Variants in NECTIN1 observed in about 807,000 individuals in gnomAD.
The protein encoded by NECTIN1 is nectin-1.
In NECTIN1, 23 loss-of-function variants were observed where a neutral mutation model predicts 48.0. That is an observed-to-expected ratio of 0.48 (90% CI 0.34 to 0.68). The LOEUF (loss-of-function observed/expected upper bound fraction) is 0.68. NECTIN1 is among the 30% of genes least tolerant of loss of function. The pLI is 0.01. For missense variants in NECTIN1, 591 were observed against 709.9 expected, an observed-to-expected ratio of 0.83 and a Z score of 1.90; for synonymous variants, 270 against 288.9, an observed-to-expected ratio of 0.93 and a Z score of 0.66.
At chr11:119,687,784 G>T (rs1034930356) in intron 1 of NECTIN1, among the ~76,000 whole-genome samples, 7 of 152,222 alleles carry the variant, frequency 4.6e-5, no homozygotes, top group Admixed American at 2.0e-4. Context: ...TGGAAGCAGA[G>T]GGTTCTCGAT....
At chr11:119,716,370 G>A (rs1017058562) in intron 1 of NECTIN1, among the ~76,000 whole-genome samples, 1 of 152,044 alleles carries the variant, frequency 6.6e-6, no homozygotes, top group Non-Finnish European at 1.5e-5. Flanking sequence ...ACAGTCCAGC[G>A]GTGCGAAGGC....
chr11:119,691,031 C>T (rs1850449344), intron 1 of NECTIN1, among the ~76,000 whole-genome samples: 1 of 11,750 alleles, frequency 8.5e-5, no homozygotes, highest in Non-Finnish European at 1.5e-4. Flanking sequence ...CTCATCCACC[C>T]TTTCTCAGGA....
chr11:119,674,522 G>T, intron 5 of NECTIN1: 2 of 1,613,716 alleles, frequency 1.2e-6, no homozygotes, highest in Non-Finnish European at 1.7e-6. Flanking sequence ...GGTGGGGGGG[G>T]CCCTGTCCAG....
intron 1 of NECTIN1, among the ~76,000 whole-genome samples, chr11:119,695,407 C>A (rs1348135716): frequency 6.6e-6 from 1 of 151,346 alleles, no homozygotes; most frequent in Non-Finnish European, 1.5e-5. Context: ...CAGGTTCCCA[C>A]AGCACCTGGC....
At position 119,661,381 on chromosome 11, in the gene NECTIN1, GCCTCCTGGC is replaced by G. The variant is rs1283345849; in HGVS notation, c.*3357_*3365del. ...AGCAGTGGCAGCAGCAGAGGGGCCT[GCCTCCTGGC>G]ATCCCCGGTACTGGGCAGTGTGTGA... On this transcript the variant is annotated 3_prime_UTR_variant, in exon 6 of 6. Transcript: ENST00000264025. The G allele has an allele frequency of 6.1e-6, 6 of 986,336 alleles. No individual in the cohort carries two copies. The South Asian group carries it at 2.8e-4, about 46-fold the overall frequency. 61.1% of individuals were successfully genotyped at this position (986,336 alleles called of 1,614,324 possible). A position where few individuals can be genotyped will look rare whatever the true frequency, so the allele number is the denominator to read the frequency against.
chr11:119,682,169 G>A (rs1359973039), intron 1 of NECTIN1, among the ~76,000 whole-genome samples: 2 of 152,198 alleles, frequency 1.3e-5, no homozygotes, highest in African/African-American at 4.8e-5. Context: ...TTTAGATTGG[G>A]AGGTTTTCAG....
At chr11:119,667,374 T>TA (rs1402830982) in intron 5 of NECTIN1, among the ~76,000 whole-genome samples, 12 of 150,586 alleles carry the variant, frequency 8.0e-5, no homozygotes, top group Admixed American at 3.9e-4. Context: ...TCAGCAAACA[T>TA]ACTGAGCATC....
At chr11:119,713,966 G>A (rs764890467) in intron 1 of NECTIN1, 14 of 428,700 alleles carry the variant, frequency 3.3e-5, no homozygotes, top group South Asian at 3.3e-5. Flanking sequence ...TGGGCTTTGG[G>A]GGCAAGGGAT....
At chr11:119,645,295 G>A (rs922321249) in intron 5 of NECTIN1, among the ~76,000 whole-genome samples, 1 of 152,154 alleles carries the variant, frequency 6.6e-6, no homozygotes, top group Non-Finnish European at 1.5e-5. Context: ...GAGAGGCAAG[G>A]GCTGGAGGCA....
intron 5 of NECTIN1, among the ~76,000 whole-genome samples, chr11:119,674,061 A>G (rs966807570): frequency 2.0e-5 from 3 of 152,172 alleles, no homozygotes. Flanking sequence ...TGTGTCCTAA[A>G]TATACCCACA....
intron 1 of NECTIN1, among the ~76,000 whole-genome samples, chr11:119,724,522 C>A (rs568279170): frequency 6.6e-6 from 1 of 152,318 alleles, no homozygotes; most frequent in South Asian, 2.1e-4. Flanking sequence ...TAACCAAGGG[C>A]AAATCCTGGG....
chr11:119,724,989 T>C (rs1454340722), intron 1 of NECTIN1, among the ~76,000 whole-genome samples: 1 of 152,176 alleles, frequency 6.6e-6, no homozygotes, highest in Non-Finnish European at 1.5e-5. Context: ...TCTGTCCCTC[T>C]CTGAGGTAGG....
chr11:119,722,763 T>A (rs1020113879), intron 1 of NECTIN1, among the ~76,000 whole-genome samples: 12 of 152,066 alleles, frequency 7.9e-5, no homozygotes, highest in Non-Finnish European at 1.3e-4. Context: ...GGCAGCTGAG[T>A]GGCTCTTTCT....
At position 119,678,360 on chromosome 11, in the gene NECTIN1, C is replaced by T. The variant is rs1000458559; in HGVS notation, c.430+55G>A. ...CATTGAGGCATCCTGAGGATGGCCACGCCCCGAGGTCACAGGCCTCTGGAT... is the reference window on the plus strand; with the variant it reads ...CATTGAGGCATCCTGAGGATGGCCATGCCCCGAGGTCACAGGCCTCTGGAT... On this transcript the variant is annotated intron_variant, in intron 2 of 5. Transcript: ENST00000264025. The surrounding 1 kb of genome is among the most constrained non-coding windows in gnomAD (Gnocchi z 4.4). 46 of 1,519,268 alleles carry T rather than the reference C, an allele frequency of 3.0e-5. No homozygotes were observed. Among genetic ancestry groups the T allele is most frequent in the Admixed American group, 2.3e-4 (14 of 59,896 alleles). 94.1% of individuals were successfully genotyped at this position (1,519,268 alleles called of 1,614,324 possible).
chr11:119,675,459 TA>T, intron 4 of NECTIN1, 149 bp from the exon 5 acceptor site: 1 of 708,122 alleles, frequency 1.4e-6, no homozygotes, highest in South Asian at 1.8e-5. Flanking sequence ...ATAATAATAA[TA>T]ATCTCTTTCA....
chr11:119,723,019 C>T (rs1056922785), intron 1 of NECTIN1, among the ~76,000 whole-genome samples: 2 of 152,026 alleles, frequency 1.3e-5, no homozygotes, highest in African/African-American at 2.4e-5. Flanking sequence ...AGACTGAGAC[C>T]ATCCTGGCTA....
intron 1 of NECTIN1, among the ~76,000 whole-genome samples, chr11:119,705,966 G>A (rs1383376645): frequency 1.3e-5 from 2 of 152,174 alleles, no homozygotes; most frequent in East Asian, 1.9e-4. Context: ...GCGGGGAGGG[G>A]CGGGGCAGGG....
chr11:119,705,588 G>A (rs1301343205), intron 1 of NECTIN1, among the ~76,000 whole-genome samples: 2 of 152,230 alleles, frequency 1.3e-5, no homozygotes, highest in African/African-American at 2.4e-5. Context: ...ACTGTGGCCG[G>A]TGTAGCTAGA....
chr11:119,643,192 C>T (rs1864350491), intron 5 of NECTIN1, among the ~76,000 whole-genome samples: 1 of 152,208 alleles, frequency 6.6e-6, no homozygotes, highest in Non-Finnish European at 1.5e-5. Flanking sequence ...GCCTGATGCA[C>T]CTGGAGGGTC....
Sources: allele counts gnomAD v4.1 joint callset (sites outside exome capture counted in the v4.1 genomes callset), GRCh38; gene constraint gnomAD v4.1.1; non-coding constraint Gnocchi (gnomAD v3.1); transcripts MANE v1.5; gene names NCBI Gene and HGNC (gene_info 2026-07-23, HGNC 2026-07-21).